The following ATE1 variants were observed in gnomAD, a reference collection of about 807,000 sequenced individuals.
The protein encoded by ATE1 is arginyltransferase 1.
ATE1 carries 36 observed loss-of-function variants against 70.5 expected under a neutral mutation model. The ratio of observed to expected loss-of-function variants is 0.51; its 90% CI spans 0.39 to 0.67. The LOEUF is 0.67. Ranked by LOEUF, ATE1 falls within the 30% of genes least tolerant of loss-of-function variation. The probability of loss-of-function intolerance (pLI) is 0.00; values close to 1 mark genes in which losing one functional copy is unlikely to be tolerated. For missense variants in ATE1, 593 were observed against 629.5 expected (o/e 0.94, Z 0.62); for synonymous variants, 232 against 219.3 (o/e 1.06, Z -0.51).
chr10:121,847,732 T>TG (rs1156271245), intron 8 of ATE1, among the ~76,000 whole-genome samples: 1 of 111,958 alleles, frequency 8.9e-6, no homozygotes, highest in East Asian at 2.7e-4. Context: ...CACTCCAGCC[T>TG]GGGGACAGAG....
At chr10:121,848,284 G>GTTCGTTCATTCA (rs141829130) in intron 8 of ATE1, among the ~76,000 whole-genome samples, 2 of 150,072 alleles carry the variant, frequency 1.3e-5, no homozygotes, top group African/African-American at 4.9e-5. Flanking sequence ...TCTAATGTGC[G>GTTCGTTCATTCA]TTCATTCATT....
intron 8 of ATE1, among the ~76,000 whole-genome samples, chr10:121,866,677 T>A (rs1043199595): frequency 7.9e-5 from 12 of 151,892 alleles, no homozygotes; most frequent in Non-Finnish European, 4.4e-5. Flanking sequence ...GTGAAACCTG[T>A]CTTTACTAAA....
intron 10 of ATE1, among the ~76,000 whole-genome samples, chr10:121,797,526 GCTGA>G (rs1490809216): frequency 1.3e-5 from 2 of 151,250 alleles, no homozygotes; most frequent in Non-Finnish European, 2.9e-5. Context: ...CCATTATTGT[GCTGA>G]CTATCCATTT....
At chr10:121,909,881 C>A (rs968907640) in intron 5 of ATE1, among the ~76,000 whole-genome samples, 1 of 151,804 alleles carries the variant, frequency 6.6e-6, no homozygotes, top group African/African-American at 2.4e-5. Context: ...CCTGTCTCTA[C>A]AAAAAATTTT....
At chr10:121,837,306 T>C (rs1948468803) in intron 9 of ATE1, among the ~76,000 whole-genome samples, 1 of 152,232 alleles carries the variant, frequency 6.6e-6, no homozygotes, top group Non-Finnish European at 1.5e-5. Flanking sequence ...AACTTTAATA[T>C]TTATTTCCCC....
Position 121,899,962 on chromosome 10 carries a change from C to A in ATE1, c.846G>T (p.Ser282=). ...ACTCCAGAAGTGTGGCTTTGAACTG[C>A]GAACTTGGTGGAGATGATCTCACCA... ...VRVVRSSPPS[S]QFKATLLESY... The change falls in exon 7 of 12, where the codon TCG becomes TCT. Residue 282 remains serine (S), a synonymous_variant. Coordinates refer to ENST00000224652, the MANE Select transcript of ATE1 (RefSeq NM_001001976.3). The A allele has an allele frequency of 1.2e-6, 2 of 1,613,636 alleles. No individual in the cohort carries two copies. Among genetic ancestry groups the A allele is most frequent in the South Asian group, 1.1e-5 (1 of 91,032 alleles).
At chr10:121,908,221 C>T (rs1231224195) in intron 5 of ATE1, among the ~76,000 whole-genome samples, 1 of 152,168 alleles carries the variant, frequency 6.6e-6, no homozygotes, top group Non-Finnish European at 1.5e-5. Context: ...TGTATCCTAC[C>T]AGCCGGGTGC....
At chr10:121,841,519 T>C (rs766674743) in intron 8 of ATE1, among the ~76,000 whole-genome samples, 1 of 152,154 alleles carries the variant, frequency 6.6e-6, no homozygotes, top group Admixed American at 6.6e-5. Context: ...CAGTAGGAAA[T>C]ACAGCATTTT....
chr10:121,876,014 T>C (rs1419390660), intron 7 of ATE1, among the ~76,000 whole-genome samples: 1 of 152,224 alleles, frequency 6.6e-6, no homozygotes, highest in African/African-American at 2.4e-5. Context: ...AATCTGTGCT[T>C]ACTAGAATTG....
intron 11 of ATE1, among the ~76,000 whole-genome samples, chr10:121,748,273 T>C (rs897555466): frequency 1.3e-5 from 2 of 152,194 alleles, no homozygotes; most frequent in African/African-American, 4.8e-5. Flanking sequence ...TGTCATCCTT[T>C]AATTTTTACT....
At chr10:121,869,974 T>C (rs1385853643) in intron 8 of ATE1, 32 bp downstream of exon 8, 2 of 1,569,692 alleles carry the variant, frequency 1.3e-6, no homozygotes, top group Non-Finnish European at 1.8e-6. Context: ...CAATTACCAA[T>C]TCTAATATTA....
Position 121,806,333 on chromosome 10 carries a change from C to T in ATE1, c.1258-16044G>A, listed in dbSNP as rs554411378. Among the ~76,000 whole-genome samples, 3 of 152,178 alleles carry T rather than the reference C, an allele frequency of 2.0e-5. No individual in the cohort carries two copies. The South Asian group carries it at 6.2e-4, about 32-fold the overall frequency. On this transcript the variant is annotated intron_variant, in intron 10 of 11. Transcript: ENST00000224652. ...CCAGATGTGATGGAGCATGCCTGCA[C>T]TCCCAGCTACTTGAGGGGCTGAAGT...
intron 10 of ATE1, among the ~76,000 whole-genome samples, chr10:121,821,863 A>C (rs1352845894): frequency 6.6e-6 from 1 of 152,214 alleles, no homozygotes; most frequent in East Asian, 1.9e-4. Context: ...CCTGGGCAAC[A>C]AACAAACAAA....
intron 4 of ATE1, 135 bp downstream of exon 4, chr10:121,913,655 C>T (rs150419506): frequency 3.7e-6 from 2 of 535,922 alleles, no homozygotes; most frequent in African/African-American, 3.8e-5. Context: ...AATAGCAGTG[C>T]TAACAGTAGT....
At chr10:121,906,576 A>T (rs577009417) in intron 5 of ATE1, among the ~76,000 whole-genome samples, 1 of 120,972 alleles carries the variant, frequency 8.3e-6, no homozygotes, top group South Asian at 3.0e-4. Context: ...TTGCTTTTGC[A>T]GGTTCCAAAA....
intron 10 of ATE1, among the ~76,000 whole-genome samples, chr10:121,794,647 C>G: frequency 9.2e-6 from 1 of 108,798 alleles, no homozygotes; most frequent in African/African-American, 3.7e-5. Context: ...GAAGAGAATA[C>G]CAAGAATGTC....
upstream of ATE1, chr10:121,928,318 G>A: frequency 6.6e-7 from 1 of 1,512,240 alleles, no homozygotes; most frequent in South Asian, 1.2e-5. Context: ...CGCGGCGGCC[G>A]CGCCAACTCC....
intron 10 of ATE1, among the ~76,000 whole-genome samples, chr10:121,825,777 C>G (rs2133636257): frequency 6.6e-6 from 1 of 152,210 alleles, no homozygotes; most frequent in East Asian, 1.9e-4. Context: ...GGTGGCAGTT[C>G]CTCAAAAAAT....
chr10:121,912,589 T>C (rs1330811106), intron 4 of ATE1, among the ~76,000 whole-genome samples: 1 of 151,212 alleles, frequency 6.6e-6, no homozygotes, highest in African/African-American at 2.4e-5. Context: ...GAGGTGGAGG[T>C]TGCAGTGAGC....
Sources: allele counts gnomAD v4.1 joint callset (sites outside exome capture counted in the v4.1 genomes callset), GRCh38; gene constraint gnomAD v4.1.1; transcripts MANE v1.5; gene names NCBI Gene and HGNC (gene_info 2026-07-23, HGNC 2026-07-21).